The following DPP10 variants were observed in gnomAD, a reference collection of about 807,000 sequenced individuals.
DPP10 encodes inactive dipeptidyl peptidase 10.
Under a neutral mutation model 120.9 loss-of-function variants are expected in DPP10, and 33 were observed. The observed-to-expected ratio is 0.27, with a 90% CI of 0.21 to 0.37. DPP10 has a LOEUF of 0.37. Ranked by LOEUF, DPP10 falls within the 10% of genes least tolerant of loss-of-function variation. The probability of loss-of-function intolerance (pLI) is 1.00; values close to 1 mark genes in which losing one functional copy is unlikely to be tolerated. For synonymous variants in DPP10, 337 were observed against 326.1 expected (o/e 1.03, Z -0.36); for missense variants, 816 against 942.8 (o/e 0.87, Z 1.76).
At chr2:115,705,467 C>T (rs376438343) in intron 7 of DPP10, among the ~76,000 whole-genome samples, 1 of 151,772 alleles carries the variant, frequency 6.6e-6, no homozygotes. Flanking sequence ...AAAGTCTTGG[C>T]CTTAGAGTCC....
chr2:115,587,237 A>G (rs1460243523), intron 5 of DPP10, among the ~76,000 whole-genome samples: 2 of 151,866 alleles, frequency 1.3e-5, no homozygotes, highest in African/African-American at 4.8e-5. Context: ...AGCTGGGACA[A>G]CAGGCTCCCG....
At chr2:115,569,862 A>G (rs1412517943) in intron 5 of DPP10, among the ~76,000 whole-genome samples, 1 of 152,234 alleles carries the variant, frequency 6.6e-6, no homozygotes, top group Non-Finnish European at 1.5e-5. Flanking sequence ...TACAAATGTG[A>G]ACTAAAACTA....
intron 1 of DPP10, among the ~76,000 whole-genome samples, chr2:114,967,925 C>T (rs534044026): frequency 1.7e-4 from 26 of 152,146 alleles, no homozygotes; most frequent in African/African-American, 5.3e-4. Flanking sequence ...TCTCAGGCCT[C>T]GACTTAGGCT....
chr2:115,250,041 G>A (rs1381881010), intron 1 of DPP10, among the ~76,000 whole-genome samples: 1 of 152,134 alleles, frequency 6.6e-6, no homozygotes, highest in Non-Finnish European at 1.5e-5. Context: ...CACTGCTTAA[G>A]CAGTCTCCAA....
chr2:115,070,310 T>C (rs972921243), intron 1 of DPP10, among the ~76,000 whole-genome samples: 13 of 152,146 alleles, frequency 8.5e-5, no homozygotes, highest in Non-Finnish European at 1.9e-4. Context: ...ACTCATTTAG[T>C]ACATTATTGT....
chr2:115,829,313 G>T (rs1688688237), intron 21 of DPP10, among the ~76,000 whole-genome samples: 1 of 152,118 alleles, frequency 6.6e-6, no homozygotes, highest in Admixed American at 6.5e-5. Flanking sequence ...CATTAACAGT[G>T]ATACCAACTA....
intron 1 of DPP10, among the ~76,000 whole-genome samples, chr2:115,032,657 G>C (rs1056608677): frequency 2.0e-5 from 3 of 151,820 alleles, no homozygotes; most frequent in Admixed American, 2.0e-4. Context: ...GAGGTGGGTG[G>C]ATCACCTGAG....
intron 1 of DPP10, among the ~76,000 whole-genome samples, chr2:114,846,127 A>G (rs1351586825): frequency 6.6e-6 from 1 of 152,178 alleles, no homozygotes; most frequent in Non-Finnish European, 1.5e-5. Flanking sequence ...AATTTATCAT[A>G]GGCATAATGT....
At chr2:115,319,757 A>G (rs1418235310) in intron 2 of DPP10, among the ~76,000 whole-genome samples, 2 of 152,192 alleles carry the variant, frequency 1.3e-5, no homozygotes, top group Non-Finnish European at 2.9e-5. Context: ...GTCCAAGATC[A>G]AGGTTCTAGC....
At chr2:115,275,943 C>T (rs916866223) in intron 1 of DPP10, among the ~76,000 whole-genome samples, 27 of 152,014 alleles carry the variant, frequency 1.8e-4, no homozygotes, top group Middle Eastern at 3.2e-3. Flanking sequence ...CCTCGTGATC[C>T]GCCCGCCTCG....
At chr2:115,398,671 T>C (rs1195888514) in intron 3 of DPP10, among the ~76,000 whole-genome samples, 1 of 152,132 alleles carries the variant, frequency 6.6e-6, no homozygotes, top group Non-Finnish European at 1.5e-5. Context: ...TATAACTATG[T>C]TTCTGTTTTG....
chr2:114,881,376 G>A (rs1558838468), intron 1 of DPP10, among the ~76,000 whole-genome samples: 1 of 151,946 alleles, frequency 6.6e-6, no homozygotes, highest in Non-Finnish European at 1.5e-5. Context: ...TGATTACATT[G>A]AATCCACTCT....
intron 1 of DPP10, among the ~76,000 whole-genome samples, chr2:114,616,795 C>T (rs1034855351): frequency 1.3e-5 from 2 of 152,002 alleles, no homozygotes; most frequent in African/African-American, 4.8e-5. Context: ...TCTTGCCAGG[C>T]AGAGAGAACA....
At chr2:115,689,954 G>T in intron 7 of DPP10, 33 bp downstream of exon 7, 1 of 1,577,904 alleles carries the variant, frequency 6.3e-7, no homozygotes, top group South Asian at 1.2e-5. Context: ...ACTGAACACT[G>T]CCAATCATGG....
intron 5 of DPP10, among the ~76,000 whole-genome samples, chr2:115,676,496 G>A (rs983321288): frequency 2.6e-5 from 4 of 151,980 alleles, no homozygotes; most frequent in African/African-American, 9.7e-5. Context: ...TAAAAAGATA[G>A]CTGTATTAAA....
At chr2:114,674,560 T>C (rs910626348) in intron 1 of DPP10, among the ~76,000 whole-genome samples, 1 of 152,208 alleles carries the variant, frequency 6.6e-6, no homozygotes, top group East Asian at 1.9e-4. Flanking sequence ...TTATAAGATA[T>C]GTCTGTGCAA....
intron 1 of DPP10, chr2:115,161,843 CCT>C: frequency 9.2e-7 from 1 of 1,085,746 alleles, no homozygotes; most frequent in African/African-American, 1.7e-5. Context: ...CCACCCCGTC[CCT>C]TCCGCCGATT....
chr2:115,623,946 C>G (rs995510832), intron 5 of DPP10, among the ~76,000 whole-genome samples: 1 of 152,032 alleles, frequency 6.6e-6, no homozygotes. Flanking sequence ...AGAAACAAAA[C>G]GAGATCATTT....
Position 115,077,533 on chromosome 2 carries a change from A to G in DPP10, c.61-231706A>G, listed in dbSNP as rs1388696714. Among the ~76,000 whole-genome samples the G allele has an allele frequency of 2.0e-5, 3 of 152,244 alleles. No homozygotes were observed. The East Asian group carries it at 5.8e-4, about 29-fold the overall frequency. ...AATTTCACATAATTCTAGAATTAAA[A>G]GGAATACAGTAACAACCTTGCCTAA... On this transcript the variant is annotated intron_variant, in intron 1 of 25. Transcript: ENST00000410059.
Sources: allele counts gnomAD v4.1 joint callset (sites outside exome capture counted in the v4.1 genomes callset), GRCh38; gene constraint gnomAD v4.1.1; transcripts MANE v1.5; gene names NCBI Gene and HGNC (gene_info 2026-07-23, HGNC 2026-07-21).